The following MGMT variants were observed in gnomAD, a reference collection of about 807,000 sequenced individuals.
MGMT encodes the protein methylated-DNA--protein-cysteine methyltransferase.
In MGMT, 14 loss-of-function variants were observed where a neutral mutation model predicts 15.9. That is an observed-to-expected ratio of 0.88 (90% CI 0.58 to 1.37). The LOEUF is 1.37. Ranked by LOEUF, MGMT falls within the 40% of genes most tolerant of loss-of-function variation. MGMT has a pLI of 0.00. For synonymous variants in MGMT, 130 were observed against 118.2 expected (o/e 1.10, Z -0.65); for missense variants, 282 against 268.1 (o/e 1.05, Z -0.36).
At chr10:129,600,697 G>A (rs893974282) in intron 2 of MGMT, among the ~76,000 whole-genome samples, 9 of 152,180 alleles carry the variant, frequency 5.9e-5, no homozygotes, top group Admixed American at 1.3e-4. Context: ...TAGGCTGCCC[G>A]CAAAATGGCC....
At chr10:129,575,527 T>C (rs1246989021) in intron 2 of MGMT, among the ~76,000 whole-genome samples, 198 of 149,488 alleles carry the variant, frequency 1.3e-3, no homozygotes, top group Middle Eastern at 3.4e-3. Flanking sequence ...TGGGACACAT[T>C]CAAAGCAGTG....
At chr10:129,471,289 C>G (rs1363328506) in intron 1 of MGMT, among the ~76,000 whole-genome samples, 2 of 152,230 alleles carry the variant, frequency 1.3e-5, no homozygotes, top group Admixed American at 1.3e-4. Flanking sequence ...TCAGGCAATT[C>G]TGGCACGGGA....
chr10:129,614,297 T>C (rs1484792779), intron 2 of MGMT, among the ~76,000 whole-genome samples: 1 of 152,190 alleles, frequency 6.6e-6, no homozygotes, highest in Non-Finnish European at 1.5e-5. Context: ...TAAAAGCCTA[T>C]TTTCTTAGAG....
At chr10:129,719,553 C>G (rs538586604) in intron 3 of MGMT, among the ~76,000 whole-genome samples, 1 of 152,296 alleles carries the variant, frequency 6.6e-6, no homozygotes, top group Non-Finnish European at 1.5e-5. Context: ...GCTTGCCCTG[C>G]AGATGGCCGT....
chr10:129,534,519 T>G (rs866288748), intron 1 of MGMT, among the ~76,000 whole-genome samples: 1 of 151,902 alleles, frequency 6.6e-6, no homozygotes, highest in Non-Finnish European at 1.5e-5. Context: ...AACACTTGTG[T>G]AGTTTGCGGT....
At chr10:129,550,913 C>A (rs1846149601) in intron 2 of MGMT, among the ~76,000 whole-genome samples, 1 of 152,194 alleles carries the variant, frequency 6.6e-6, no homozygotes, top group Non-Finnish European at 1.5e-5. Flanking sequence ...TGTCCAAAGA[C>A]CCCTGAGACC....
At chr10:129,528,788 G>A (rs1264911846) in intron 1 of MGMT, among the ~76,000 whole-genome samples, 1 of 152,176 alleles carries the variant, frequency 6.6e-6, no homozygotes, top group East Asian at 1.9e-4. Context: ...CATCACATCT[G>A]CCATGTCAAG....
intron 3 of MGMT, among the ~76,000 whole-genome samples, chr10:129,728,491 G>T (rs1052640334): frequency 6.6e-6 from 1 of 152,118 alleles, no homozygotes. Flanking sequence ...AAGAGGACCT[G>T]ATTATGCCAT....
intron 2 of MGMT, among the ~76,000 whole-genome samples, chr10:129,692,407 T>C (rs1847979925): frequency 1.3e-5 from 2 of 152,310 alleles, no homozygotes; most frequent in South Asian, 4.1e-4. Context: ...TCAGCCTTAG[T>C]GGGCTAGAAG....
chr10:129,529,342 A>T (rs35675358), intron 1 of MGMT, among the ~76,000 whole-genome samples: 33,424 of 151,502 alleles, frequency 0.22, 4,270 homozygotes, highest in Non-Finnish European at 0.28. Flanking sequence ...GAGTGGGGGG[A>T]TGGTTTGGGG....
intron 2 of MGMT, among the ~76,000 whole-genome samples, chr10:129,602,992 C>A (rs1846842599): frequency 1.3e-5 from 2 of 152,326 alleles, no homozygotes; most frequent in Non-Finnish European, 2.9e-5. Context: ...TTTAAATCTT[C>A]AGGCAACTAT....
intron 2 of MGMT, among the ~76,000 whole-genome samples, chr10:129,646,039 A>G (rs1847384531): frequency 6.6e-6 from 1 of 152,086 alleles, no homozygotes; most frequent in Non-Finnish European, 1.5e-5. Context: ...CTTGGCACTT[A>G]CTAATAGCAT....
intron 2 of MGMT, chr10:129,701,540 T>C (rs987596404): frequency 6.6e-6 from 1 of 152,160 alleles, no homozygotes; most frequent in African/African-American, 2.4e-5. Context: ...CTACTGCCAG[T>C]GGAATCTTAA....
At chr10:129,594,706 A>G (rs1164450164) in intron 2 of MGMT, among the ~76,000 whole-genome samples, 1 of 152,224 alleles carries the variant, frequency 6.6e-6, no homozygotes, top group East Asian at 1.9e-4. Flanking sequence ...GGCTGGAGAC[A>G]GCAGAATCCT....
intron 2 of MGMT, among the ~76,000 whole-genome samples, chr10:129,584,972 T>TACAC (rs148547733): frequency 8.6e-5 from 13 of 151,840 alleles, no homozygotes; most frequent in African/African-American, 2.7e-4. Flanking sequence ...GGGGTATATA[T>TACAC]ACACACACAC....
At chr10:129,711,701 T>C (rs1305489715) in intron 3 of MGMT, among the ~76,000 whole-genome samples, 1 of 152,242 alleles carries the variant, frequency 6.6e-6, no homozygotes, top group African/African-American at 2.4e-5. Flanking sequence ...AAATCCATTT[T>C]CTAGCTACTG....
chr10:129,586,494 A>G (rs1374392930), intron 2 of MGMT, among the ~76,000 whole-genome samples: 1 of 152,320 alleles, frequency 6.6e-6, no homozygotes, highest in African/African-American at 2.4e-5. Flanking sequence ...ATTATAACGT[A>G]TAGTCTCTTC....
chr10:129,706,953 G>T lies in MGMT; in HGVS notation c.126-942G>T, dbSNP rs541488897. ...AGGTTCAAACTGCAGGAAATCAAAG[G>T]GAGGAGAGTGTCCAGAAAGAACCAA... On this transcript the variant is annotated intron_variant, in intron 2 of 4. Transcript: ENST00000651593. Among the ~76,000 whole-genome samples the T allele has an allele frequency of 1.1e-3, 169 of 152,242 alleles. 4 individuals carry two copies. Among genetic ancestry groups the T allele is most frequent in the South Asian group, 5.8e-3 (28 of 4,816 alleles).
rs1230449495 is a variant in MGMT at position 129,639,946 on chromosome 10, C to T, written c.126-67949C>T. Among the ~76,000 whole-genome samples the T allele has an allele frequency of 3.5e-5, 3 of 84,618 alleles. No individual in the cohort carries two copies. In the South Asian group the frequency reaches 9.9e-4, roughly 28 times the overall value. 55.5% of individuals were successfully genotyped at this position (84,618 alleles called of 152,430 possible). Reference sequence around the variant, plus strand: ...ACTGATAAATCGGTGGCTAGACTGACCAAAAAAAAAAAAAAAGAGAGTGAA... The same window carrying T: ...ACTGATAAATCGGTGGCTAGACTGATCAAAAAAAAAAAAAAAGAGAGTGAA... On this transcript the variant is annotated intron_variant, in intron 2 of 4. Coordinates refer to ENST00000651593, the MANE Select transcript of MGMT (RefSeq NM_002412.5).
Sources: gnomAD v4.1 joint callset for allele counts (sites outside exome capture counted in the v4.1 genomes callset) on GRCh38, gnomAD v4.1.1 for gene constraint, MANE v1.5 for transcripts, NCBI Gene and HGNC (gene_info 2026-07-23, HGNC 2026-07-21) for gene names.